FCRL3: variants seen among roughly 807,000 people sequenced by gnomAD.
FCRL3 encodes the protein Fc receptor like 3.
A neutral mutation model predicts 75.0 loss-of-function variants in FCRL3; 89 were observed. The ratio of observed to expected loss-of-function variants is 1.19; its 90% confidence interval spans 1.00 to 1.42. The LOEUF is 1.42. FCRL3 is among the 40% of genes most tolerant of loss of function. The pLI, the probability that FCRL3 is intolerant of heterozygous loss-of-function variation, is 0.00. For missense variants in FCRL3, 946 were observed against 880.0 expected, an observed-to-expected ratio of 1.07 and a Z score of -0.95; for synonymous variants, 376 against 348.5, an observed-to-expected ratio of 1.08 and a Z score of -0.88.
chr1:157,676,902 C>A lies in FCRL3; in HGVS notation c.*1808G>T. 1 of 1,455,950 alleles carries A rather than the reference C, an allele frequency of 6.9e-7. No individual in the cohort carries two copies. The allele number at this position is 1,455,950 out of a possible 1,614,324, so 90.2% of individuals were successfully genotyped here. Reference sequence around the variant, plus strand: ...AAAGGAGGAGAGCCTCCATATACAGCCTGGTGGTTGGTACCCAAAACCGGT... The same window carrying A: ...AAAGGAGGAGAGCCTCCATATACAGACTGGTGGTTGGTACCCAAAACCGGT... On this transcript the variant is annotated 3_prime_UTR_variant, in exon 15 of 15. Coordinates refer to ENST00000368184, the MANE Select transcript of FCRL3 (RefSeq NM_052939.4).
In FCRL3 at chr1:157,698,554, A is replaced by G; in HGVS notation, c.128T>C (p.Ile43Thr). 6.2e-7 allele frequency: 1 copy of G among 1,614,162 alleles called. No homozygotes were observed. The highest frequency in any genetic ancestry group is 8.5e-7 in the Non-Finnish European group (1 of 1,179,996). ...TAGGGAATGTGATATGCTGCTGCAT[A>G]TGAGAGCCACTTTTTCTCCTTTGAA... The part of the protein sequence containing the change: ...TAFKGEKVAL[I>T]CSSISHSLAQ... Residue 43 changes from isoleucine to threonine, a missense_variant, in exon 4 of 15, where the codon ATA becomes ACA. Transcript: ENST00000368184.
intron 4 of FCRL3, 159 bp from the exon 5 acceptor site, chr1:157,698,078 T>A: frequency 1.2e-6 from 1 of 840,240 alleles, no homozygotes; most frequent in Non-Finnish European, 1.8e-6. Flanking sequence ...TTCCTTGCCC[T>A]ACAAGGGTGA....
rs1238788205 is a variant in FCRL3, at chr1:157,677,906, G to A, written c.*804C>T. On this transcript the variant is annotated 3_prime_UTR_variant, in exon 15 of 15. Coordinates refer to ENST00000368184, the MANE Select transcript of FCRL3 (RefSeq NM_052939.4). ...TGGAGTGAGGTAGAGGAAGAGAATG[G>A]GAGAAGCCACATAGATATAGTAGGT... 1 of 960,750 alleles carries A rather than the reference G, an allele frequency of 1.0e-6. No homozygotes were observed. Among genetic ancestry groups the A allele is most frequent in the Non-Finnish European group, 1.2e-6 (1 of 808,120 alleles). 59.5% of individuals were successfully genotyped at this position (960,750 alleles called of 1,614,324 possible).
chr1:157,693,002 G>A (rs1249573140), intron 8 of FCRL3, among the ~76,000 whole-genome samples: 2 of 152,172 alleles, frequency 1.3e-5, no homozygotes, highest in East Asian at 1.9e-4. Flanking sequence ...GTGGCTGGGC[G>A]TGGTGGCTCA....
At chr1:157,693,472 G>C (rs1024341493) in intron 8 of FCRL3, among the ~76,000 whole-genome samples, 5 of 151,984 alleles carry the variant, frequency 3.3e-5, no homozygotes, top group African/African-American at 9.7e-5. Flanking sequence ...CTTCCACTTG[G>C]ATGTAGATAT....
chr1:157,681,497 G>C (rs1426763903), intron 11 of FCRL3, among the ~76,000 whole-genome samples: 1 of 148,202 alleles, frequency 6.7e-6, no homozygotes, highest in Non-Finnish European at 1.5e-5. Context: ...GCGGTGTTTG[G>C]TTTTTTGTTC....
chr1:157,677,168 C>A lies in FCRL3; in HGVS notation c.*1542G>T. 9.9e-7 allele frequency: 1 copy of A among 1,007,184 alleles called. No homozygotes were observed. Among genetic ancestry groups the A allele is most frequent in the Non-Finnish European group, 1.2e-6 (1 of 842,074 alleles). The allele number at this position is 1,007,184 out of a possible 1,614,324, so 62.4% of individuals were successfully genotyped here. A position where few individuals can be genotyped will look rare whatever the true frequency, so the allele number is the denominator to read the frequency against. On this transcript the variant is annotated 3_prime_UTR_variant, in exon 15 of 15. Coordinates refer to ENST00000368184, the MANE Select transcript of FCRL3 (RefSeq NM_052939.4). ...TCATCACATTTTTTGAGGCCAGCAG[C>A]TGTGGCTTAGCTGGCTTTGCTGGTC...
intron 8 of FCRL3, among the ~76,000 whole-genome samples, chr1:157,692,810 A>T (rs1425194798): frequency 6.6e-6 from 1 of 152,200 alleles, no homozygotes; most frequent in East Asian, 1.9e-4. Flanking sequence ...TTCTAAACTT[A>T]TGCTATGGAG....
chr1:157,680,608 G>T, intron 13 of FCRL3, 94 bp downstream of exon 13: 1 of 1,047,834 alleles, frequency 9.5e-7, no homozygotes, highest in South Asian at 1.4e-5. Flanking sequence ...CTTGCGTGTT[G>T]GGCTTGTATT....
rs1571179983 is a variant in FCRL3 at position 157,676,812 on chromosome 1, G to C, written c.*1898C>G. 1.3e-6 allele frequency: 2 copies of C among 1,548,962 alleles called. No individual in the cohort carries two copies. Among genetic ancestry groups the C allele is most frequent in the Non-Finnish European group, 1.7e-6 (2 of 1,146,300 alleles). On this transcript the variant is annotated 3_prime_UTR_variant, in exon 15 of 15. Transcript: ENST00000368184. ...ATGATAAGAGATGACAGGTCCCTTAGAGAAAGTTCACTATAAGGCACAAAG... is the reference window on the plus strand; with the variant it reads ...ATGATAAGAGATGACAGGTCCCTTACAGAAAGTTCACTATAAGGCACAAAG...
Position 157,697,282 on chromosome 1 carries a change from G to T in FCRL3, c.702C>A (p.Thr234=), listed in dbSNP as rs746657472. ...GGGACCTGCTCCAGCCCAATCCGAG[G>T]GTCTGGCTATCTCTGAAGAGGGAGA... The part of the protein sequence containing the change: ...LQFSLFRDSQ[T]LGLGWSRSPR... Residue 234 remains threonine (T), a synonymous_variant, in exon 6 of 15, where the codon ACC becomes ACA. Transcript: ENST00000368184. 4.3e-6 allele frequency: 7 copies of T among 1,612,482 alleles called. No individual in the cohort carries two copies. Among genetic ancestry groups the T allele is most frequent in the Admixed American group, 1.7e-5 (1 of 59,830 alleles).
At position 157,684,885 on chromosome 1, in the gene FCRL3, A is replaced by G. The variant is rs202243068; in HGVS notation, c.1811-1641T>C. On this transcript the variant is annotated intron_variant, in intron 10 of 14. Coordinates refer to ENST00000368184, the MANE Select transcript of FCRL3 (RefSeq NM_052939.4). ...CCCTTAACTTTTAGAAAAATGTAGAAGGTCTGAGCTTCTTCCTGAGAAGTC... is the reference window on the plus strand; with the variant it reads ...CCCTTAACTTTTAGAAAAATGTAGAGGGTCTGAGCTTCTTCCTGAGAAGTC... 1.1e-4 allele frequency among the ~76,000 whole-genome samples: 16 copies of G among 152,242 alleles called. No individual in the cohort carries two copies. The East Asian group carries it at 1.7e-3, about 17-fold the overall frequency.
chr1:157,698,134 C>T lies in FCRL3; in HGVS notation c.299-215G>A, dbSNP rs555178305. The T allele has an allele frequency of 6.4e-4, 464 of 724,442 alleles. 9 individuals carry two copies. In the South Asian group the frequency reaches 8.7e-3, roughly 14 times the overall value. The allele number at this position is 724,442 out of a possible 1,614,324, so 44.9% of individuals were successfully genotyped here. On this transcript the variant is annotated intron_variant, in intron 4 of 14. Transcript: ENST00000368184. ...CTTGAGAAATCTTCACATGTCTTTT[C>T]ACAAAAGAGGAATCCCAGACTTGAA...
chr1:157,690,432 G>A lies in FCRL3; in HGVS notation c.1513C>T (p.Pro505Ser), dbSNP rs149831176. The change falls in exon 9 of 15, where the codon CCG becomes TCG. Residue 505 changes from proline to serine, a missense_variant. Pro to Ser is a moderately conservative substitution (Grantham distance 74). Transcript: ENST00000368184. ...LHCESLRGSFPILYWFYHEDD... is the reference protein window; with the variant it reads ...LHCESLRGSFSILYWFYHEDD... ...TCGTGATAAAACCAGTACAGGATCG[G>A]GAAGGAGCCTCTCAGGGACTCACAG... The A allele has an allele frequency of 3.1e-6, 5 of 1,614,238 alleles. No individual in the cohort carries two copies. Among genetic ancestry groups the A allele is most frequent in the South Asian group, 1.1e-5 (1 of 91,092 alleles).
intron 2 of FCRL3, 53 bp from the exon 3 acceptor site, chr1:157,699,765 A>C (rs1343200513): frequency 1.6e-5 from 26 of 1,594,534 alleles, no homozygotes; most frequent in Non-Finnish European, 2.1e-5. Flanking sequence ...ATTTTCTAAC[A>C]ACCTAACCAC....
At chr1:157,682,168 G>A (rs1195824473) in intron 11 of FCRL3, among the ~76,000 whole-genome samples, 17 of 152,226 alleles carry the variant, frequency 1.1e-4, no homozygotes, top group Admixed American at 3.3e-4. Context: ...AGTAGGTTGC[G>A]AAAATTTTCT....
intron 3 of FCRL3, 27 bp from the exon 4 acceptor site, chr1:157,698,656 C>A: frequency 6.2e-7 from 1 of 1,612,412 alleles, no homozygotes; most frequent in Non-Finnish European, 8.5e-7. Flanking sequence ...AAGATGAAGG[C>A]AGGGGAAGGT....
Position 157,696,288 on chromosome 1 carries a change from G to A in FCRL3, c.884C>T (p.Thr295Ile). The A allele has an allele frequency of 6.2e-7, 1 of 1,614,006 alleles. No homozygotes were observed. The highest frequency in any genetic ancestry group is 8.5e-7 in the Non-Finnish European group (1 of 1,180,002). Residue 295 changes from threonine to isoleucine, a missense_variant, in exon 7 of 15, where the codon ACC becomes ATC. Physicochemically the swap from Thr to Ile is moderately conservative, Grantham distance 89. Transcript: ENST00000368184. ...VSNVNLEIRP[T>I]GGQLIEGENM... ...TTCTCCTTCAATCAGCTGCCCTCCGGTGGGCCGGATCTCTAGATTCACATT... is the reference window on the plus strand; with the variant it reads ...TTCTCCTTCAATCAGCTGCCCTCCGATGGGCCGGATCTCTAGATTCACATT...
At chr1:157,691,954 A>T (rs1363206214) in intron 8 of FCRL3, 1 of 152,214 alleles carries the variant, frequency 6.6e-6, no homozygotes, top group African/African-American at 2.4e-5. Context: ...ATTTAAGAGT[A>T]TTTCTTTTTG....
Sources: allele counts gnomAD v4.1 joint callset (sites outside exome capture counted in the v4.1 genomes callset), GRCh38; gene constraint gnomAD v4.1.1; transcripts MANE v1.5; gene names NCBI Gene and HGNC (gene_info 2026-07-23, HGNC 2026-07-21).